The following CD27 variants were observed in gnomAD, a reference collection of about 807,000 sequenced individuals.
The protein encoded by CD27 is CD27 molecule.
In CD27, 16 loss-of-function variants were observed where a neutral mutation model predicts 25.9. That is an observed-to-expected ratio of 0.62 (90% confidence interval 0.42 to 0.94). The LOEUF is 0.94. CD27 is among the 40% of genes least tolerant of loss of function. The probability of loss-of-function intolerance (pLI) is 0.00; values close to 1 mark genes in which losing one functional copy is unlikely to be tolerated. For missense variants in CD27, 300 were observed against 333.2 expected, an observed-to-expected ratio of 0.90 and a Z score of 0.78; for synonymous variants, 142 against 124.3, an observed-to-expected ratio of 1.14 and a Z score of -0.95.
chr12:6,445,284 G>A lies in CD27; in HGVS notation c.136+53G>A, dbSNP rs1949398864. The A allele has an allele frequency of 6.2e-7, 1 of 1,610,898 alleles. No individual in the cohort carries two copies. The highest frequency in any genetic ancestry group is 8.5e-7 in the Non-Finnish European group (1 of 1,178,798). On this transcript the variant is annotated intron_variant, in intron 1 of 5. Coordinates refer to ENST00000266557, the MANE Select transcript of CD27 (RefSeq NM_001242.5). This position sits in a 1 kb window ranked among gnomAD's most constrained non-coding sequence, Gnocchi z 4.5. The stretch of plus-strand genomic sequence containing the variant: ...GTGAGTGGCGAAAGAGAGAGGACTG[G>A]GGTTAATACAGTAAATAGGCGCAGG...
chr12:6,446,406 A>G (rs374027381), intron 2 of CD27, among the ~76,000 whole-genome samples: 18 of 152,322 alleles, frequency 1.2e-4, no homozygotes, highest in African/African-American at 4.1e-4. Flanking sequence ...GGCTCAAGCA[A>G]TCTTCTAGTC....
rs1425616024 is a variant in CD27 at position 6,451,437 on chromosome 12, C to A, written c.*45C>A. On this transcript the variant is annotated 3_prime_UTR_variant, in exon 6 of 6. Transcript: ENST00000266557. Reference sequence around the variant, plus strand: ...GCACTACAGCCCTGGCCTCCACCCCCACCCCGCCGACCATCCAAGGGAGAG... The same window carrying A: ...GCACTACAGCCCTGGCCTCCACCCCAACCCCGCCGACCATCCAAGGGAGAG... The A allele has an allele frequency of 4.4e-6, 7 of 1,585,250 alleles. No homozygotes were observed. Among genetic ancestry groups the A allele is most frequent in the South Asian group, 3.4e-5 (3 of 87,406 alleles).
rs370332174 is a variant in CD27, at chr12:6,450,676, G to A, written c.538+46G>A. 5.9e-6 allele frequency: 9 copies of A among 1,537,902 alleles called. No homozygotes were observed. The African/African-American group carries it at 8.2e-5, about 14-fold the overall frequency. On this transcript the variant is annotated intron_variant, in intron 4 of 5. Coordinates refer to ENST00000266557, the MANE Select transcript of CD27 (RefSeq NM_001242.5). The surrounding 1 kb of genome is among the most constrained non-coding windows in gnomAD (Gnocchi z 4.1). The stretch of plus-strand genomic sequence containing the variant: ...CCACCGCTAGAGAGAATGCATACAC[G>A]AGGGGCCAGGAGGGAAGCCAGACAG...
Position 6,450,680 on chromosome 12 carries a change from G to C in CD27, c.538+50G>C, listed in dbSNP as rs758875176. The C allele has an allele frequency of 1.9e-6, 3 of 1,541,674 alleles. No individual in the cohort carries two copies. Among genetic ancestry groups the C allele is most frequent in the Non-Finnish European group, 2.7e-6 (3 of 1,121,678 alleles). On this transcript the variant is annotated intron_variant, in intron 4 of 5. Coordinates refer to ENST00000266557, the MANE Select transcript of CD27 (RefSeq NM_001242.5). This position sits in a 1 kb window ranked among gnomAD's most constrained non-coding sequence, Gnocchi z 4.1. ...CGCTAGAGAGAATGCATACACGAGG[G>C]GCCAGGAGGGAAGCCAGACAGAAAG...
Position 6,451,618 on chromosome 12 carries a change from T to C in CD27, c.*226T>C, listed in dbSNP as rs1949550349. ...GGAGCCCAGCCAGCTGCGCCTGCGC[T>C]GCAGGAGGGCGGGGGCTCTGGTTGT... On this transcript the variant is annotated 3_prime_UTR_variant, in exon 6 of 6. Coordinates refer to ENST00000266557, the MANE Select transcript of CD27 (RefSeq NM_001242.5). 6 of 504,680 alleles carry C rather than the reference T, an allele frequency of 1.2e-5. No individual in the cohort carries two copies. The highest frequency in any genetic ancestry group is 1.4e-5 in the Non-Finnish European group (4 of 286,380). The allele number at this position is 504,680 out of a possible 1,614,324, so 31.3% of individuals were successfully genotyped here.
At position 6,450,597 on chromosome 12, in the gene CD27, C is replaced by G. The variant is rs1353686884; in HGVS notation, c.505C>G (p.Leu169Val). Residue 169 changes from leucine to valine, a missense_variant, in exon 4 of 6, where the codon CTG (leucine) becomes GTG (valine). Transcript: ENST00000266557. The surrounding 1 kb of genome is among the most constrained non-coding windows in gnomAD (Gnocchi z 4.1). ...GCAGACTCTGGCTGACTTCAGGCAG[C>G]TGCCTGCCCGGACTCTCTCTACCCA... is the stretch of plus-strand genomic sequence containing the variant. ...HMQTLADFRQLPARTLSTHWP... is the reference protein window; with the variant it reads ...HMQTLADFRQVPARTLSTHWP... 6.2e-7 allele frequency: 1 copy of G among 1,612,940 alleles called. No homozygotes were observed. The highest frequency in any genetic ancestry group is 2.2e-5 in the East Asian group (1 of 44,900).
rs190649666 is a variant in CD27 at position 6,449,570 on chromosome 12, C to T, written c.269-603C>T. On this transcript the variant is annotated intron_variant, in intron 2 of 5. Coordinates refer to ENST00000266557, the MANE Select transcript of CD27 (RefSeq NM_001242.5). ...TTAAAAGTTATTAAAGTATTGGGGC[C>T]GAGCACAGTGGCTCACGCCTGTAAT... Among the ~76,000 whole-genome samples, 392 of 152,260 alleles carry T rather than the reference C, an allele frequency of 2.6e-3. 1 individual carries two copies. The highest frequency in any genetic ancestry group is 3.4e-3 in the Middle Eastern group (1 of 294).
At chr12:6,451,135 C>A in intron 5 of CD27, 121 bp downstream of exon 5, 1 of 1,540,266 alleles carries the variant, frequency 6.5e-7, no homozygotes, top group South Asian at 1.2e-5. Flanking sequence ...AGCCTTGGTC[C>A]TACCCCTTCT....
chr12:6,444,177 G>C (rs971086689), upstream of CD27, among the ~76,000 whole-genome samples: 20 of 152,172 alleles, frequency 1.3e-4, no homozygotes, highest in African/African-American at 4.6e-4. Flanking sequence ...GGGTCTGAGA[G>C]GGAAGGCCAT....
At chr12:6,449,794 G>T (rs904127421) in intron 2 of CD27, among the ~76,000 whole-genome samples, 1 of 152,024 alleles carries the variant, frequency 6.6e-6, no homozygotes, top group Non-Finnish European at 1.5e-5. Context: ...AGGTTGCAAC[G>T]AGCCAAGGTC....
At position 6,451,061 on chromosome 12, in the gene CD27, C is replaced by T. The variant is rs368811895; in HGVS notation, c.658+47C>T. 9 of 1,612,254 alleles carry T rather than the reference C, an allele frequency of 5.6e-6. No homozygotes were observed. In the African/African-American group the frequency reaches 8.0e-5, roughly 14 times the overall value. ...TCCGGTCCTGCCCCTGCACCACACCCCACTGGCTCAACCCCACTGCCCACG... is the reference window on the plus strand; with the variant it reads ...TCCGGTCCTGCCCCTGCACCACACCTCACTGGCTCAACCCCACTGCCCACG... On this transcript the variant is annotated intron_variant, in intron 5 of 5. Transcript: ENST00000266557.
chr12:6,447,302 G>A (rs1049498074), intron 2 of CD27: 2 of 152,044 alleles, frequency 1.3e-5, no homozygotes, highest in African/African-American at 2.4e-5. Context: ...GAAGGTCTTC[G>A]CCCCATACTG....
intron 2 of CD27, among the ~76,000 whole-genome samples, chr12:6,449,000 T>C (rs1195780970): frequency 6.6e-6 from 1 of 152,000 alleles, no homozygotes. Context: ...TTTTGTTTTT[T>C]GTTGGTGGTG....
In CD27 at chr12:6,450,107, C is replaced by A; in HGVS notation, c.269-66C>A. 6.9e-7 allele frequency: 1 copy of A among 1,455,470 alleles called. No individual in the cohort carries two copies. The highest frequency in any genetic ancestry group is 2.3e-5 in the East Asian group (1 of 43,658). The allele number at this position is 1,455,470 out of a possible 1,614,324, so 90.2% of individuals were successfully genotyped here. On this transcript the variant is annotated intron_variant, in intron 2 of 5. Coordinates refer to ENST00000266557, the MANE Select transcript of CD27 (RefSeq NM_001242.5). The surrounding 1 kb of genome is among the most constrained non-coding windows in gnomAD (Gnocchi z 4.1). ...CTGGGATGGGGGTTGGGGGATGAAG[C>A]AAGTGGACCTTGAAGGTCTCCACAG...
rs988280338 is a variant in CD27, at chr12:6,444,963, G to A, written c.-133G>A. 4 of 964,670 alleles carry A rather than the reference G, an allele frequency of 4.1e-6. No individual in the cohort carries two copies. Among genetic ancestry groups the A allele is most frequent in the Admixed American group, 6.3e-5 (2 of 31,934 alleles). 59.8% of individuals were successfully genotyped at this position (964,670 alleles called of 1,614,324 possible). ...CACAATAGAGATTCTGCCTTCAAAG[G>A]TTGGCTTGCCACCTGAAGCAGCCAC... On this transcript the variant is annotated 5_prime_UTR_variant, in exon 1 of 6. Transcript: ENST00000266557.
chr12:6,444,538 T>C (rs1949384442), upstream of CD27, among the ~76,000 whole-genome samples: 1 of 151,858 alleles, frequency 6.6e-6, no homozygotes, highest in South Asian at 2.1e-4. Flanking sequence ...AGATAAGAGC[T>C]TGTGGACCTG....
Position 6,445,654 on chromosome 12 carries a change from A to C in CD27, c.268+99A>C. The C allele has an allele frequency of 6.9e-7, 1 of 1,452,286 alleles. No homozygotes were observed. The highest frequency in any genetic ancestry group is 9.2e-7 in the Non-Finnish European group (1 of 1,086,448). 90.0% of individuals were successfully genotyped at this position (1,452,286 alleles called of 1,614,324 possible). A position where few individuals can be genotyped will look rare whatever the true frequency, so the allele number is the denominator to read the frequency against. ...GGGGTGCAAGGAGGATGACGGGGCC[A>C]AAGCTTTGGCCTTCTTCAAGGCTCA... On this transcript the variant is annotated intron_variant, in intron 2 of 5. Coordinates refer to ENST00000266557, the MANE Select transcript of CD27 (RefSeq NM_001242.5). This position sits in a 1 kb window ranked among gnomAD's most constrained non-coding sequence, Gnocchi z 4.5.
Position 6,450,942 on chromosome 12 carries a change from T to C in CD27, c.586T>C (p.Phe196Leu), listed in dbSNP as rs1281975793. The change falls in exon 5 of 6, where the codon TTC becomes CTC. Residue 196 changes from phenylalanine (F) to leucine (L), a missense_variant. Physicochemically the swap from Phe to Leu is conservative, Grantham distance 22. Coordinates refer to ENST00000266557, the MANE Select transcript of CD27 (RefSeq NM_001242.5). The surrounding 1 kb of genome is among the most constrained non-coding windows in gnomAD (Gnocchi z 4.1). ...CGATTTTATTCGCATCCTTGTGATC[T>C]TCTCTGGAATGTTCCTTGTTTTCAC... ...SSDFIRILVI[F>L]SGMFLVFTLA... 4 of 1,614,168 alleles carry C rather than the reference T, an allele frequency of 2.5e-6. No homozygotes were observed. The highest frequency in any genetic ancestry group is 3.3e-5 in the Admixed American group (2 of 60,034).
At position 6,445,111 on chromosome 12, in the gene CD27, C is replaced by A. The variant is rs1477344677; in HGVS notation, c.16C>A (p.Pro6Thr). 1 of 1,606,234 alleles carries A rather than the reference C, an allele frequency of 6.2e-7. No homozygotes were observed. The highest frequency in any genetic ancestry group is 2.2e-5 in the East Asian group (1 of 44,648). Reference protein sequence around the residue: MARPHPWWLCVLGTLV... With the variant: MARPHTWWLCVLGTLV... ...GGCAGGGACCATGGCACGGCCACAT[C>A]CCTGGTGGCTGTGCGTTCTGGGGAC... The change falls in exon 1 of 6, where the codon CCC (proline) becomes ACC (threonine). Residue 6 changes from proline (P) to threonine (T), a missense_variant. Pro to Thr is a conservative substitution (Grantham distance 38). Transcript: ENST00000266557. This position sits in a 1 kb window ranked among gnomAD's most constrained non-coding sequence, Gnocchi z 4.5.
Sources: allele counts gnomAD v4.1 joint callset (sites outside exome capture counted in the v4.1 genomes callset), GRCh38; gene constraint gnomAD v4.1.1; non-coding constraint Gnocchi (gnomAD v3.1); transcripts MANE v1.5; gene names NCBI Gene and HGNC (gene_info 2026-07-23, HGNC 2026-07-21).